Variants in HDAC9 observed in about 807,000 individuals in gnomAD.
The protein encoded by HDAC9 is MEF-2 interacting transcription repressor (MITR) protein.
In HDAC9, 41 loss-of-function variants were observed where a neutral mutation model predicts 139.4. The ratio of observed to expected loss-of-function variants is 0.29; its 90% CI spans 0.23 to 0.38. HDAC9 has a LOEUF of 0.38. Among genes scored for constraint, HDAC9 ranks in the 10% least tolerant of loss-of-function variants. HDAC9 has a pLI of 1.00. For synonymous variants in HDAC9, 517 were observed against 476.2 expected (o/e 1.09, Z -1.12); for missense variants, 1,147 against 1,297.0 (o/e 0.88, Z 1.78).
intron 22 of HDAC9, among the ~76,000 whole-genome samples, chr7:18,916,776 A>G (rs944789423): frequency 2.6e-5 from 4 of 152,028 alleles, no homozygotes; most frequent in African/African-American, 9.7e-5. Flanking sequence ...ATACATAGAA[A>G]ACAGGAGTAA....
At chr7:18,194,603 C>G (rs1790601844) in intron 2 of HDAC9, among the ~76,000 whole-genome samples, 1 of 152,144 alleles carries the variant, frequency 6.6e-6, no homozygotes, top group African/African-American at 2.4e-5. Flanking sequence ...TCCCACAACA[C>G]TAGTAACACT....
chr7:18,422,846 C>G (rs943400117), intron 1 of HDAC9, among the ~76,000 whole-genome samples: 4 of 151,974 alleles, frequency 2.6e-5, no homozygotes, highest in Admixed American at 2.6e-4. Flanking sequence ...GACTGGTTTC[C>G]TATCTTAAGT....
At chr7:18,263,888 G>C (rs980431649) in intron 2 of HDAC9, among the ~76,000 whole-genome samples, 22 of 152,172 alleles carry the variant, frequency 1.4e-4, no homozygotes, top group Non-Finnish European at 1.5e-5. Context: ...CAAAGTGCTG[G>C]GATTACAGGT....
chr7:18,216,714 T>G (rs1792340503), intron 2 of HDAC9, among the ~76,000 whole-genome samples: 1 of 152,194 alleles, frequency 6.6e-6, no homozygotes, highest in South Asian at 2.1e-4. Context: ...TATTATTATT[T>G]AATATGCTGT....
At chr7:18,167,651 A>T (rs1016295362) in intron 2 of HDAC9, among the ~76,000 whole-genome samples, 2 of 152,296 alleles carry the variant, frequency 1.3e-5, no homozygotes, top group African/African-American at 4.8e-5. Flanking sequence ...GCATCTCCGC[A>T]TCAAGCTGGT....
chr7:18,776,838 A>G (rs1215491043), intron 16 of HDAC9, among the ~76,000 whole-genome samples: 1 of 151,966 alleles, frequency 6.6e-6, no homozygotes, highest in Non-Finnish European at 1.5e-5. Flanking sequence ...AGGAAAGTTC[A>G]GGAGGTGGAG....
intron 17 of HDAC9, among the ~76,000 whole-genome samples, chr7:18,795,107 A>G (rs190794297): frequency 4.9e-4 from 74 of 152,210 alleles, no homozygotes; most frequent in African/African-American, 1.7e-3. Context: ...CCAGTTCCAA[A>G]CAATGTGTCA....
chr7:18,329,332 G>A (rs1005810625), intron 1 of HDAC9, among the ~76,000 whole-genome samples: 1 of 151,546 alleles, frequency 6.6e-6, no homozygotes, highest in African/African-American at 2.4e-5. Flanking sequence ...CACAAAATAT[G>A]GTAAGTTGGT....
At chr7:18,428,173 T>G (rs143572904) in intron 1 of HDAC9, among the ~76,000 whole-genome samples, 1 of 152,286 alleles carries the variant, frequency 6.6e-6, no homozygotes, top group East Asian at 1.9e-4. Context: ...TTATAAATAC[T>G]CTAAGTGGGA....
intron 6 of HDAC9, among the ~76,000 whole-genome samples, chr7:18,626,300 C>T (rs1488329339): frequency 6.6e-6 from 1 of 152,076 alleles, no homozygotes; most frequent in Admixed American, 6.5e-5. Context: ...GCCTCTCCCT[C>T]CTCCTTAATT....
intron 21 of HDAC9, among the ~76,000 whole-genome samples, chr7:18,871,176 T>C (rs1352666056): frequency 6.6e-6 from 1 of 152,216 alleles, no homozygotes; most frequent in Non-Finnish European, 1.5e-5. Flanking sequence ...ATACTATCAT[T>C]ATTTATTTTG....
chr7:18,887,980 C>T (rs74793317), intron 22 of HDAC9, among the ~76,000 whole-genome samples: 1,689 of 152,240 alleles, frequency 0.011, 33 homozygotes, highest in African/African-American at 0.037. Context: ...CACCTTTACC[C>T]AATATTTCTC....
chr7:18,883,517 T>C (rs1299111747), intron 22 of HDAC9, among the ~76,000 whole-genome samples: 1 of 152,036 alleles, frequency 6.6e-6, no homozygotes, highest in Admixed American at 6.6e-5. Flanking sequence ...CCCAACAAAT[T>C]AGGTATGGAA....
intron 1 of HDAC9, among the ~76,000 whole-genome samples, chr7:18,100,746 T>A (rs1225759398): frequency 6.6e-6 from 1 of 152,134 alleles, no homozygotes; most frequent in Non-Finnish European, 1.5e-5. Flanking sequence ...ATAGACTTTT[T>A]ATCCTTGCTA....
intron 1 of HDAC9, among the ~76,000 whole-genome samples, chr7:18,481,955 T>A (rs1795585147): frequency 6.6e-6 from 1 of 152,148 alleles, no homozygotes; most frequent in South Asian, 2.1e-4. Flanking sequence ...ATTAGCTGTG[T>A]CTGTAATGGC....
chr7:18,782,546 C>T (rs1791334906), intron 16 of HDAC9, among the ~76,000 whole-genome samples: 1 of 152,098 alleles, frequency 6.6e-6, no homozygotes, highest in Admixed American at 6.6e-5. Context: ...GACCCACATT[C>T]ACTCAGGAAA....
chr7:18,364,827 A>C (rs1416070694), intron 1 of HDAC9, among the ~76,000 whole-genome samples: 3 of 152,166 alleles, frequency 2.0e-5, no homozygotes, highest in African/African-American at 7.2e-5. Context: ...GAGAGAAATC[A>C]GGTATTGATA....
At chr7:18,722,701 A>T (rs1785231008) in intron 12 of HDAC9, among the ~76,000 whole-genome samples, 1 of 152,162 alleles carries the variant, frequency 6.6e-6, no homozygotes, top group African/African-American at 2.4e-5. Flanking sequence ...CAGTATAATA[A>T]CATGTGGTTT....
intron 2 of HDAC9, among the ~76,000 whole-genome samples, chr7:18,269,199 A>G (rs1796194257): frequency 6.6e-6 from 1 of 152,154 alleles, no homozygotes. Flanking sequence ...ATATACATAC[A>G]CATATATGGA....
Sources: gnomAD v4.1 joint callset for allele counts (sites outside exome capture counted in the v4.1 genomes callset) on GRCh38, gnomAD v4.1.1 for gene constraint, MANE v1.5 for transcripts, NCBI Gene and HGNC (gene_info 2026-07-23, HGNC 2026-07-21) for gene names.